MAP3K6: variants seen among roughly 807,000 people sequenced by gnomAD.
The protein encoded by MAP3K6 is mitogen-activated protein kinase kinase kinase 6, also known as apoptosis signal-regulating kinase 2.
MAP3K6 carries 105 observed loss-of-function variants against 147.1 expected under a neutral mutation model. The observed-to-expected ratio is 0.71, with a 90% CI of 0.61 to 0.84. The LOEUF is 0.84. Ranked by LOEUF, MAP3K6 falls within the 40% of genes least tolerant of loss-of-function variation. MAP3K6 has a pLI of 0.00. For missense variants in MAP3K6, 1,569 were observed against 1,715.0 expected (o/e 0.91, Z 1.50); for synonymous variants, 695 against 732.4 (o/e 0.95, Z 0.82).
chr1:27,360,092 C>T lies in MAP3K6; in HGVS notation c.2183-98G>A. On this transcript the variant is annotated intron_variant, in intron 16 of 28. Coordinates refer to ENST00000357582, the MANE Select transcript of MAP3K6 (RefSeq NM_004672.5). This position sits in a 1 kb window ranked among gnomAD's most constrained non-coding sequence, Gnocchi z 4.5. ...GACACACCCATGTTGTAGCCCAACTCCATCACCCAGCGCCACTCCTCAGCT... is the reference window on the plus strand; with the variant it reads ...GACACACCCATGTTGTAGCCCAACTTCATCACCCAGCGCCACTCCTCAGCT... 8.2e-6 allele frequency: 13 copies of T among 1,584,418 alleles called. No homozygotes were observed. The highest frequency in any genetic ancestry group is 1.1e-5 in the Non-Finnish European group (13 of 1,160,480).
In MAP3K6 at chr1:27,358,135, G is replaced by C; in HGVS notation, c.2915+46C>G. 1 of 1,537,586 alleles carries C rather than the reference G, an allele frequency of 6.5e-7. No individual in the cohort carries two copies. Among genetic ancestry groups the C allele is most frequent in the Non-Finnish European group, 8.7e-7 (1 of 1,146,210 alleles). On this transcript the variant is annotated intron_variant, in intron 21 of 28. Transcript: ENST00000357582. This position sits in a 1 kb window ranked among gnomAD's most constrained non-coding sequence, Gnocchi z 6.2. Reference sequence around the variant, plus strand: ...GGGCTTTTGTAGGAGAGGAGAAAAAGGCAAAACCAGGCAAAAGGAACCCAT... The same window carrying C: ...GGGCTTTTGTAGGAGAGGAGAAAAACGCAAAACCAGGCAAAAGGAACCCAT...
At chr1:27,355,810 C>A in intron 27 of MAP3K6, 65 bp from the exon 28 acceptor site, 1 of 1,483,180 alleles carries the variant, frequency 6.7e-7, no homozygotes. Flanking sequence ...GTGTCGAGAC[C>A]CAGGTACTAG....
In MAP3K6 at chr1:27,358,739, C is replaced by G; in HGVS notation, c.2553G>C (p.Glu851Asp). 6.2e-7 allele frequency: 1 copy of G among 1,613,956 alleles called. No individual in the cohort carries two copies. The highest frequency in any genetic ancestry group is 2.2e-5 in the East Asian group (1 of 44,884). Residue 851 changes from glutamate (E) to aspartate (D), a missense_variant, in exon 19 of 29, where the codon GAG (glutamate) becomes GAC (aspartate). Physicochemically the swap from Glu to Asp is conservative, Grantham distance 45 (BLOSUM62 2). Coordinates refer to ENST00000357582, the MANE Select transcript of MAP3K6 (RefSeq NM_004672.5). This position sits in a 1 kb window ranked among gnomAD's most constrained non-coding sequence, Gnocchi z 6.2. ...EMATGRPPFH[E>D]LGSPQAAMFQ... ...ACATGGCAGCCTGTGGGCTCCCGAG[C>G]TCGTGGAAGGGGGGGCGACCTGTGG...
In MAP3K6 at chr1:27,361,862, A is replaced by G; in HGVS notation, c.1421T>C (p.Leu474Pro). The change falls in exon 10 of 29, where the codon CTG (leucine) becomes CCG (proline). Residue 474 changes from leucine to proline, a missense_variant. Physicochemically the swap from Leu to Pro is moderately conservative, Grantham distance 98 (BLOSUM62 -3). Transcript: ENST00000357582. Reference sequence around the variant, plus strand: ...CAGGAAGGTCTCCATCACGGACACCAGGTACCTGCATGCAAAGCCACATCC... The same window carrying G: ...CAGGAAGGTCTCCATCACGGACACCGGGTACCTGCATGCAAAGCCACATCC... ...LYKLNAPIWY[L>P]VSVMETFLLY... The G allele has an allele frequency of 6.5e-7, 1 of 1,546,300 alleles. No homozygotes were observed. The highest frequency in any genetic ancestry group is 8.7e-7 in the Non-Finnish European group (1 of 1,144,142).
In MAP3K6 at chr1:27,366,250, G is replaced by T. The variant is rs770733486; in HGVS notation, c.340+8C>A. On this transcript the variant is annotated splice_region_variant and intron_variant, in intron 1 of 28. Transcript: ENST00000357582. The surrounding 1 kb of genome is among the most constrained non-coding windows in gnomAD (Gnocchi z 5.5). ...GCCCGGATCCGGCCCCGCCCCCAGC[G>T]CTCTCACCCGCGTTGTAGAAGGCAT... is the stretch of plus-strand genomic sequence containing the variant. 1.5e-6 allele frequency: 2 copies of T among 1,314,480 alleles called. No homozygotes were observed. The highest frequency in any genetic ancestry group is 1.9e-6 in the Non-Finnish European group (2 of 1,033,336). 81.4% of individuals were successfully genotyped at this position (1,314,480 alleles called of 1,614,324 possible). A position where few individuals can be genotyped will look rare whatever the true frequency, so the allele number is the denominator to read the frequency against.
intron 5 of MAP3K6, 115 bp downstream of exon 5, chr1:27,363,802 C>T: frequency 9.6e-7 from 1 of 1,040,130 alleles, no homozygotes; most frequent in Non-Finnish European, 1.4e-6. Context: ...CACTCAGAGA[C>T]ATTGGATAAT....
In MAP3K6 at chr1:27,360,409, G is replaced by A. The variant is rs2015704187; in HGVS notation, c.2055-41C>T. The A allele has an allele frequency of 1.3e-6, 2 of 1,593,294 alleles. No homozygotes were observed. The highest frequency in any genetic ancestry group is 1.7e-6 in the Non-Finnish European group (2 of 1,168,232). On this transcript the variant is annotated intron_variant, in intron 15 of 28. Coordinates refer to ENST00000357582, the MANE Select transcript of MAP3K6 (RefSeq NM_004672.5). This position sits in a 1 kb window ranked among gnomAD's most constrained non-coding sequence, Gnocchi z 4.5. Reference sequence around the variant, plus strand: ...GGAGAGAGGAAAGGGACCGAGGTGGGCAGAGAAGCCCCGCCCATCCCACGC... The same window carrying A: ...GGAGAGAGGAAAGGGACCGAGGTGGACAGAGAAGCCCCGCCCATCCCACGC...
intron 28 of MAP3K6, 71 bp from the exon 29 acceptor site, chr1:27,355,540 C>T (rs2015488827): frequency 4.4e-6 from 7 of 1,573,598 alleles, no homozygotes; most frequent in Non-Finnish European, 5.2e-6. Context: ...ACACTGTCTG[C>T]CCAGTGCCCC....
chr1:27,355,855 C>G (rs2015502061), intron 27 of MAP3K6, 110 bp from the exon 28 acceptor site: 1 of 1,191,072 alleles, frequency 8.4e-7, no homozygotes, highest in Non-Finnish European at 1.2e-6. Context: ...AGGCAGATCA[C>G]ACCCTTCTGG....
In MAP3K6 at chr1:27,358,787, C is replaced by CA; in HGVS notation, c.2504dup (p.Cys837LeufsTer5). The CA allele has an allele frequency of 1.2e-6, 2 of 1,613,750 alleles. No individual in the cohort carries two copies. The highest frequency in any genetic ancestry group is 1.7e-6 in the Non-Finnish European group (2 of 1,179,854). ...TGGCCATCTCAATGACAGTGCAGCC[C>CA]AGTGACCAGATGTCAGCTGCTTTCC... On this transcript the variant is annotated frameshift_variant, in exon 19 of 29. Transcript: ENST00000357582. LOFTEE classifies it high-confidence loss of function. The surrounding 1 kb of genome is among the most constrained non-coding windows in gnomAD (Gnocchi z 6.2).
rs762373403 is a variant in MAP3K6 at position 27,356,088 on chromosome 1, T to C, written c.3649A>G (p.Thr1217Ala). 4.3e-6 allele frequency: 7 copies of C among 1,613,802 alleles called. No homozygotes were observed. Among genetic ancestry groups the C allele is most frequent in the South Asian group, 1.1e-5 (1 of 91,072 alleles). Residue 1217 changes from threonine to alanine, a missense_variant, in exon 27 of 29, where the codon ACG becomes GCG. Physicochemically the swap from Thr to Ala is moderately conservative, Grantham distance 58. Transcript: ENST00000357582. ...LAPEPPTALS[T>A]DQGLVQWLQE... ...AGCCACTGCACCAGGCCCTGGTCCG[T>C]TGAAAGAGCAGCTGTCAAGAAGCAG...
chr1:27,361,069 C>A, intron 13 of MAP3K6, 61 bp from the exon 14 acceptor site: 1 of 1,535,030 alleles, frequency 6.5e-7, no homozygotes, highest in Non-Finnish European at 8.8e-7. Context: ...TAAGCCGGAG[C>A]ATCCAACGGA....
rs745988810 is a variant in MAP3K6 at position 27,361,193 on chromosome 1, A to C, written c.1796T>G (p.Val599Gly). ...CCCTACGCTGGGGAAGCACAGCTGG[A>C]CGTCCTGAGCCGGGGGGAGTGCATA... is the stretch of plus-strand genomic sequence containing the variant. ...FLYALPPAQD[V>G]QLCFPSVGHC... Residue 599 changes from valine to glycine, a missense_variant, in exon 13 of 29, where the codon GTC (valine) becomes GGC (glycine). Val to Gly is a moderately radical substitution (Grantham distance 109). Transcript: ENST00000357582. 2.5e-5 allele frequency: 41 copies of C among 1,612,762 alleles called. No homozygotes were observed. Among genetic ancestry groups the C allele is most frequent in the Non-Finnish European group, 3.2e-5 (38 of 1,179,754 alleles).
rs1004730953 is a variant in MAP3K6, at chr1:27,356,453, A to G, written c.3572T>C (p.Val1191Ala). The G allele has an allele frequency of 6.2e-7, 1 of 1,613,920 alleles. No homozygotes were observed. Among genetic ancestry groups the G allele is most frequent in the Admixed American group, 1.7e-5 (1 of 60,006 alleles). ...AGKEREYQAL[V>A]QRALQRLNEE... is the part of the protein sequence containing the mutation. ...ATTCAGCCGCTGTAGAGCCCGCTGC[A>G]CCAGGGCCTGGTACTCCCGTTCCTT... Residue 1191 changes from valine (V) to alanine (A), a missense_variant, in exon 26 of 29, where the codon GTG becomes GCG. Val to Ala is a moderately conservative substitution (Grantham distance 64, BLOSUM62 0). Coordinates refer to ENST00000357582, the MANE Select transcript of MAP3K6 (RefSeq NM_004672.5).
chr1:27,359,610 C>T lies in MAP3K6; in HGVS notation c.2320-88G>A, dbSNP rs529379746. ...CTGGGATCCCATCTCCTGGAGATCCCAGCCTGGTCCTGCCTCTGTCAACAC... is the reference window on the plus strand; with the variant it reads ...CTGGGATCCCATCTCCTGGAGATCCTAGCCTGGTCCTGCCTCTGTCAACAC... On this transcript the variant is annotated intron_variant, in intron 17 of 28. Coordinates refer to ENST00000357582, the MANE Select transcript of MAP3K6 (RefSeq NM_004672.5). The surrounding 1 kb of genome is among the most constrained non-coding windows in gnomAD (Gnocchi z 4.4). The T allele has an allele frequency of 1.9e-6, 3 of 1,570,566 alleles. No homozygotes were observed. The highest frequency in any genetic ancestry group is 2.6e-6 in the Non-Finnish European group (3 of 1,153,298).
chr1:27,355,398 C>T lies in MAP3K6; in HGVS notation c.3860G>A (p.Gly1287Glu). ...GATGCCCTCATTCAGCTCTCAGGGTCCAGAGGTGACTGGTGTGGATCCTGC... is the reference window on the plus strand; with the variant it reads ...GATGCCCTCATTCAGCTCTCAGGGTTCAGAGGTGACTGGTGTGGATCCTGC... Reference protein sequence around the residue: ...QRAGSTPVTSGP With the variant: ...QRAGSTPVTSEP Residue 1287 changes from glycine (G) to glutamate (E), a missense_variant, in exon 29 of 29, where the codon GGA (glycine) becomes GAA (glutamate). By Grantham distance (98) the Gly-to-Glu change is moderately conservative. Transcript: ENST00000357582. The T allele has an allele frequency of 3.1e-6, 5 of 1,614,072 alleles. No homozygotes were observed. The highest frequency in any genetic ancestry group is 4.2e-6 in the Non-Finnish European group (5 of 1,179,936).
rs1285064880 is a variant in MAP3K6, at chr1:27,359,449, G to A, written c.2393C>T (p.Ala798Val). ...ISDFGTSKRLAGITPCTETFT... is the reference protein window; with the variant it reads ...ISDFGTSKRLVGITPCTETFT... Reference sequence around the variant, plus strand: ...GGTCTCAGTGCAAGGTGTGATGCCTGCCAGCCGCTTGGAGGTGCCGAAGTC... The same window carrying A: ...GGTCTCAGTGCAAGGTGTGATGCCTACCAGCCGCTTGGAGGTGCCGAAGTC... Residue 798 changes from alanine to valine, a missense_variant, in exon 18 of 29, where the codon GCA becomes GTA. By Grantham distance (64) the Ala-to-Val change is moderately conservative. Transcript: ENST00000357582. This position sits in a 1 kb window ranked among gnomAD's most constrained non-coding sequence, Gnocchi z 4.4. 1.2e-6 allele frequency: 2 copies of A among 1,614,110 alleles called. No homozygotes were observed.
chr1:27,357,646 C>T, intron 22 of MAP3K6, 65 bp downstream of exon 22: 2 of 1,587,224 alleles, frequency 1.3e-6, no homozygotes, highest in South Asian at 1.1e-5. Context: ...AGGTAGGGGG[C>T]GGGGACATCA....
Position 27,356,379 on chromosome 1 carries a change from C to A in MAP3K6, c.3637+9G>T. Reference sequence around the variant, plus strand: ...CACCAATAATGTTCTCCAGCCAAGGCCCACTCACTTGGAGGCTCTGGGGCC... The same window carrying A: ...CACCAATAATGTTCTCCAGCCAAGGACCACTCACTTGGAGGCTCTGGGGCC... On this transcript the variant is annotated intron_variant, in intron 26 of 28. Coordinates refer to ENST00000357582, the MANE Select transcript of MAP3K6 (RefSeq NM_004672.5). The A allele has an allele frequency of 6.3e-7, 1 of 1,596,688 alleles. No homozygotes were observed. Among genetic ancestry groups the A allele is most frequent in the Non-Finnish European group, 8.5e-7 (1 of 1,172,024 alleles).
Sources: gnomAD v4.1 joint callset for allele counts on GRCh38, gnomAD v4.1.1 for gene constraint, Gnocchi (gnomAD v3.1) non-coding constraint, MANE v1.5 for transcripts, NCBI Gene and HGNC (gene_info 2026-07-23, HGNC 2026-07-21) for gene names.